LAMA3: variants seen among roughly 807,000 people sequenced by gnomAD.
LAMA3 encodes the protein laminin subunit alpha 3.
LAMA3 carries 281 observed loss-of-function variants against 402.0 expected under a neutral mutation model. The ratio of observed to expected loss-of-function variants is 0.70; its 90% confidence interval spans 0.63 to 0.77. The LOEUF (loss-of-function observed/expected upper bound fraction) is 0.77, where lower values mean the gene tolerates loss of function less well. Among genes scored for constraint, LAMA3 ranks in the 30% least tolerant of loss-of-function variants. The pLI, the probability that LAMA3 is intolerant of heterozygous loss-of-function variation, is 0.00. For synonymous variants in LAMA3, 1,431 were observed against 1,558.4 expected, an observed-to-expected ratio of 0.92 and a Z score of 1.93; for missense variants, 3,840 against 4,215.5, an observed-to-expected ratio of 0.91 and a Z score of 2.47.
At chr18:23,872,688 C>T (rs1393038294) in intron 38 of LAMA3, among the ~76,000 whole-genome samples, 1 of 152,148 alleles carries the variant, frequency 6.6e-6, no homozygotes, top group Non-Finnish European at 1.5e-5. Flanking sequence ...TCTTTTCTAG[C>T]CTGATTAAAA....
At chr18:23,725,303 G>T (rs1013068015) in intron 2 of LAMA3, among the ~76,000 whole-genome samples, 3 of 152,138 alleles carry the variant, frequency 2.0e-5, no homozygotes, top group African/African-American at 7.2e-5. Flanking sequence ...TAGAGACGGG[G>T]TTCCACCGTG....
intron 36 of LAMA3, 27 bp from the exon 37 acceptor site, chr18:23,867,806 TA>T: frequency 6.4e-7 from 1 of 1,554,822 alleles, no homozygotes; most frequent in Non-Finnish European, 8.9e-7. Flanking sequence ...GTGAAGGTAC[TA>T]ACACATTCAT....
intron 32 of LAMA3, among the ~76,000 whole-genome samples, chr18:23,847,971 T>G (rs2063858994): frequency 6.6e-6 from 1 of 152,178 alleles, no homozygotes; most frequent in South Asian, 2.1e-4. Flanking sequence ...GAGGCAGAAG[T>G]GGGAGAAGAA....
Position 23,894,426 on chromosome 18 carries a change from A to T in LAMA3, c.5461+78A>T, listed in dbSNP as rs1433778278. 7 of 1,272,296 alleles carry T rather than the reference A, an allele frequency of 5.5e-6. No homozygotes were observed. In the African/African-American group the frequency reaches 1.0e-4, roughly 19 times the overall value. 78.8% of individuals were successfully genotyped at this position (1,272,296 alleles called of 1,614,324 possible). On this transcript the variant is annotated intron_variant, in intron 43 of 74. Coordinates refer to ENST00000313654, the MANE Select transcript of LAMA3 (RefSeq NM_198129.4). ...AGATATGTGAGCACCATGCTGGGTC[A>T]TGCAGTTTCCAGTCTGGGAAAGTAA...
chr18:23,938,287 T>C (rs1407793557), intron 67 of LAMA3, among the ~76,000 whole-genome samples: 1 of 152,094 alleles, frequency 6.6e-6, no homozygotes, highest in Non-Finnish European at 1.5e-5. Flanking sequence ...ACCCTTTGCT[T>C]TGACTGATGG....
At chr18:23,947,439 A>C (rs965451774) in intron 70 of LAMA3, among the ~76,000 whole-genome samples, 14 of 152,126 alleles carry the variant, frequency 9.2e-5, no homozygotes, top group Non-Finnish European at 2.1e-4. Flanking sequence ...AGTGGGAAAA[A>C]AAGAGCCCCG....
chr18:23,713,651 G>A (rs1042544568), intron 1 of LAMA3, among the ~76,000 whole-genome samples: 1 of 152,146 alleles, frequency 6.6e-6, no homozygotes, highest in Non-Finnish European at 1.5e-5. Flanking sequence ...AAACATAGCT[G>A]TAAAGATGGA....
intron 55 of LAMA3, among the ~76,000 whole-genome samples, 156 bp downstream of exon 55, chr18:23,909,451 G>A (rs1028967235): frequency 5.3e-5 from 8 of 152,174 alleles, no homozygotes; most frequent in African/African-American, 1.9e-4. Context: ...ATTTTCTCCT[G>A]TCATCCTTTA....
At chr18:23,834,055 G>T in intron 24 of LAMA3, 67 bp downstream of exon 24, 1 of 1,575,550 alleles carries the variant, frequency 6.3e-7, no homozygotes, top group Non-Finnish European at 8.7e-7. Flanking sequence ...TAGGAACTTT[G>T]GCTGTTACTT....
intron 48 of LAMA3, 99 bp downstream of exon 48, chr18:23,901,422 T>C: frequency 2.1e-6 from 2 of 966,490 alleles, no homozygotes; most frequent in South Asian, 2.7e-5. Flanking sequence ...CACCTGTCTG[T>C]ACATCTCATT....
chr18:23,904,956 A>G (rs1034365376), intron 51 of LAMA3, among the ~76,000 whole-genome samples: 4 of 152,158 alleles, frequency 2.6e-5, no homozygotes, highest in Non-Finnish European at 4.4e-5. Flanking sequence ...ATTATATCCT[A>G]TATCTTACCA....
rs138571165 is a variant in LAMA3, at chr18:23,916,677, G to A, written c.7905G>A (p.Leu2635=). Reference sequence around the variant, plus strand: ...AGACCACCGTGGATAGAGGCTTGCTGTTCTTTGCAGAAAACGGGGTAATCT... The same window carrying A: ...AGACCACCGTGGATAGAGGCTTGCTATTCTTTGCAGAAAACGGGGTAATCT... ...TIQTTVDRGL[L]FFAENGDRFI... Residue 2635 remains leucine, a synonymous_variant, in exon 60 of 75, where the codon CTG becomes CTA. Coordinates refer to ENST00000313654, the MANE Select transcript of LAMA3 (RefSeq NM_198129.4). 2 of 1,614,148 alleles carry A rather than the reference G, an allele frequency of 1.2e-6. No individual in the cohort carries two copies. Among genetic ancestry groups the A allele is most frequent in the Admixed American group, 1.7e-5 (1 of 60,030 alleles).
chr18:23,861,845 G>A (rs772214862), intron 35 of LAMA3, 38 bp downstream of exon 35: 5 of 1,583,814 alleles, frequency 3.2e-6, no homozygotes, highest in Non-Finnish European at 4.3e-6. Context: ...CCCTCAGTGG[G>A]CCTCTGCTAT....
chr18:23,813,620 T>C (rs1817221819), intron 14 of LAMA3, among the ~76,000 whole-genome samples: 1 of 145,788 alleles, frequency 6.9e-6, no homozygotes, highest in South Asian at 2.3e-4. Flanking sequence ...CTCAGCTCAC[T>C]GCAACCTCCG....
At position 23,907,909 on chromosome 18, in the gene LAMA3, A is replaced by C; in HGVS notation, c.6989A>C (p.Lys2330Thr). The C allele has an allele frequency of 6.2e-7, 1 of 1,614,002 alleles. No individual in the cohort carries two copies. Among genetic ancestry groups the C allele is most frequent in the Non-Finnish European group, 8.5e-7 (1 of 1,180,026 alleles). ...YGRTQNEDFK[K>T]ALTDADNSVN... ...AGGACACAGAACGAAGACTTCAAAA[A>C]GGCTCTGACTGATGCAGATAACTCG... Residue 2330 changes from lysine to threonine, a missense_variant, in exon 54 of 75, where the codon AAG becomes ACG. Around this residue, in one of 3 missense-constraint regions of LAMA3, gnomAD observed 891 missense variants for 857.5 expected, o/e 1.04. Transcript: ENST00000313654.
intron 29 of LAMA3, 148 bp from the exon 30 acceptor site, chr18:23,844,861 G>A: frequency 1.5e-6 from 1 of 678,866 alleles, no homozygotes; most frequent in Non-Finnish European, 2.7e-6. Flanking sequence ...TGATCTTTGA[G>A]CATCATGTCA....
intron 38 of LAMA3, chr18:23,872,768 T>C (rs2064565794): frequency 1.3e-5 from 6 of 478,178 alleles, no homozygotes; most frequent in Non-Finnish European, 2.3e-5. Context: ...TCCCTGCCCG[T>C]GACTCAGCCT....
At chr18:23,753,916 T>G in intron 6 of LAMA3, 104 bp downstream of exon 6, 1 of 786,942 alleles carries the variant, frequency 1.3e-6, no homozygotes, top group Non-Finnish European at 2.2e-6. Context: ...CTGTCCTCAA[T>G]AGGAATGATT....
At chr18:23,941,847 G>A (rs1364269043) in intron 68 of LAMA3, among the ~76,000 whole-genome samples, 1 of 152,112 alleles carries the variant, frequency 6.6e-6, no homozygotes, top group Non-Finnish European at 1.5e-5. Context: ...TGATCACCAG[G>A]CCCACATATG....
Sources: allele counts gnomAD v4.1 joint callset (sites outside exome capture counted in the v4.1 genomes callset), GRCh38; gene constraint gnomAD v4.1.1; regional missense constraint gnomAD v4.1.1; transcripts MANE v1.5; gene names NCBI Gene and HGNC (gene_info 2026-07-23, HGNC 2026-07-21).